STRIP1: variants seen among roughly 807,000 people sequenced by gnomAD.
STRIP1 encodes the protein striatin interacting protein 1, also known as striatin-interacting protein 1.
STRIP1 carries 63 observed loss-of-function variants against 106.2 expected under a neutral mutation model. The ratio of observed to expected loss-of-function variants is 0.59; its 90% confidence interval spans 0.48 to 0.73. The LOEUF (loss-of-function observed/expected upper bound fraction) is 0.73. Ranked by LOEUF, STRIP1 falls within the 30% of genes least tolerant of loss-of-function variation. The probability of loss-of-function intolerance (pLI) is 0.00; values close to 1 mark genes in which losing one functional copy is unlikely to be tolerated. For missense variants in STRIP1, 857 were observed against 1,074.8 expected (o/e 0.80, Z 2.83); for synonymous variants, 390 against 413.0 (o/e 0.94, Z 0.67).
chr1:110,033,184 C>A (rs916805344), upstream of STRIP1, among the ~76,000 whole-genome samples: 1 of 152,188 alleles, frequency 6.6e-6, no homozygotes, highest in African/African-American at 2.4e-5. Context: ...CTTCCTTGGG[C>A]AGCATGCTTA....
upstream of STRIP1, among the ~76,000 whole-genome samples, chr1:110,032,381 G>A (rs1652235579): frequency 6.6e-6 from 1 of 152,198 alleles, no homozygotes; most frequent in South Asian, 2.1e-4. Flanking sequence ...CTGGAGAGTT[G>A]TATCACAGGG....
In STRIP1 at chr1:110,051,035, C is replaced by T. The variant is rs1352169781; in HGVS notation, c.2036C>T (p.Thr679Ile). 1.9e-6 allele frequency: 3 copies of T among 1,612,546 alleles called. No homozygotes were observed. Among genetic ancestry groups the T allele is most frequent in the Non-Finnish European group, 2.5e-6 (3 of 1,178,668 alleles). Reference sequence around the variant, plus strand: ...CTGCTTCGGATCTTGAACAAGCTGACAAAGTGGAAGCATTCAAGGACAATG... The same window carrying T: ...CTGCTTCGGATCTTGAACAAGCTGATAAAGTGGAAGCATTCAAGGACAATG... ...INLLRILNKL[T>I]KWKHSRTMML... Residue 679 changes from threonine (T) to isoleucine (I), a missense_variant, in exon 19 of 21, where the codon ACA becomes ATA. Thr to Ile is a moderately conservative substitution (Grantham distance 89). Transcript: ENST00000369795.
intron 5 of STRIP1, 127 bp from the exon 6 acceptor site, chr1:110,040,508 C>T: frequency 1.2e-6 from 1 of 828,890 alleles, no homozygotes; most frequent in Non-Finnish European, 1.9e-6. Context: ...ACCACCGTGT[C>T]CTGTGGCCTC....
chr1:110,048,541 C>T (rs2101782031), intron 15 of STRIP1, among the ~76,000 whole-genome samples: 2 of 152,228 alleles, frequency 1.3e-5, no homozygotes, highest in East Asian at 1.9e-4. Flanking sequence ...TTGGCTAACA[C>T]CAGAGGGAGG....
chr1:110,032,061 C>T (rs1200650075), upstream of STRIP1, among the ~76,000 whole-genome samples: 3 of 152,142 alleles, frequency 2.0e-5, no homozygotes, highest in East Asian at 5.8e-4. Context: ...TTCTTATTGG[C>T]TATTTTTCAA....
chr1:110,034,482 G>A (rs1286870964), upstream of STRIP1: 16 of 787,552 alleles, frequency 2.0e-5, no homozygotes, highest in African/African-American at 1.1e-4. Context: ...AAGGACTGCA[G>A]ACAGAATATC....
chr1:110,038,776 C>T lies in STRIP1; in HGVS notation c.325+19C>T, dbSNP rs762027995. On this transcript the variant is annotated intron_variant, in intron 3 of 20. Coordinates refer to ENST00000369795, the MANE Select transcript of STRIP1 (RefSeq NM_033088.4). ...ATCCATGGTGAGATGATTTCCCACA[C>T]TTCTTGCTTCCTTTGCCCTGCATAA... is the stretch of plus-strand genomic sequence containing the variant. 1.1e-5 allele frequency: 18 copies of T among 1,608,990 alleles called. No homozygotes were observed. The South Asian group carries it at 1.9e-4, about 17-fold the overall frequency.
At chr1:110,035,132 C>T (rs1051363320) in intron 1 of STRIP1, among the ~76,000 whole-genome samples, 1 of 152,124 alleles carries the variant, frequency 6.6e-6, no homozygotes, top group Non-Finnish European at 1.5e-5. Flanking sequence ...CGCCCCAGCT[C>T]GGGGGTGAGG....
Position 110,050,079 on chromosome 1 carries a change from G to A in STRIP1, c.1890-264G>A, listed in dbSNP as rs1466228998. On this transcript the variant is annotated intron_variant, in intron 17 of 20. Transcript: ENST00000369795. ...TCTCCTCCCCCGCCCCACATTGATT[G>A]CTGTGGGGGAAGCTGTGAGGGTCTC... The A allele has an allele frequency of 1.0e-5, 5 of 486,292 alleles. No individual in the cohort carries two copies. In the East Asian group the frequency reaches 1.9e-4, roughly 19 times the overall value. 30.1% of individuals were successfully genotyped at this position (486,292 alleles called of 1,614,324 possible).
At position 110,047,613 on chromosome 1, in the gene STRIP1, T is replaced by C. The variant is rs766361188; in HGVS notation, c.1560T>C (p.Tyr520=). The change falls in exon 14 of 21, where the codon TAT becomes TAC. Residue 520 remains tyrosine, a synonymous_variant. Transcript: ENST00000369795. ...GCTTGCTCCCCAGCCTGCCTCAGTATATGGTGAGTGGTGCCTGCAGTGGGA... is the reference window on the plus strand; with the variant it reads ...GCTTGCTCCCCAGCCTGCCTCAGTACATGGTGAGTGGTGCCTGCAGTGGGA... ...YQGLLPSLPQ[Y]MIALLKILLA... 1 of 1,608,856 alleles carries C rather than the reference T, an allele frequency of 6.2e-7. No individual in the cohort carries two copies. Among genetic ancestry groups the C allele is most frequent in the Non-Finnish European group, 8.5e-7 (1 of 1,177,396 alleles).
intron 17 of STRIP1, chr1:110,049,834 A>AAT: frequency 2.9e-6 from 1 of 339,028 alleles, no homozygotes; most frequent in Non-Finnish European, 5.3e-6. Context: ...TCCCTTCTGT[A>AAT]CTTTTTTTTT....
intron 17 of STRIP1, 125 bp from the exon 18 acceptor site, chr1:110,050,218 G>A: frequency 1.2e-6 from 1 of 848,622 alleles, no homozygotes; most frequent in Non-Finnish European, 1.9e-6. Context: ...GGACACATCA[G>A]GTAGATTCCT....
chr1:110,049,444 T>C lies in STRIP1; in HGVS notation c.1789-16T>C. Reference sequence around the variant, plus strand: ...GCCGCGCCTTTTTTTTTTTTTTTTTTTCCTGTTGGCTTCAGTTTGAATACA... The same window carrying C: ...GCCGCGCCTTTTTTTTTTTTTTTTTCTCCTGTTGGCTTCAGTTTGAATACA... On this transcript the variant is annotated splice_polypyrimidine_tract_variant and intron_variant, in intron 16 of 20. Coordinates refer to ENST00000369795, the MANE Select transcript of STRIP1 (RefSeq NM_033088.4). 2 of 1,563,186 alleles carry C rather than the reference T, an allele frequency of 1.3e-6. No homozygotes were observed. The highest frequency in any genetic ancestry group is 8.7e-7 in the Non-Finnish European group (1 of 1,154,300).
chr1:110,046,249 CAGCACTTTG>C (rs1455743644), intron 12 of STRIP1, among the ~76,000 whole-genome samples: 2 of 152,282 alleles, frequency 1.3e-5, no homozygotes, highest in African/African-American at 4.8e-5. Context: ...CCTATAATCC[CAGCACTTTG>C]AGAGGCCAAG....
chr1:110,050,864 C>T (rs1570929161), intron 18 of STRIP1, 92 bp from the exon 19 acceptor site: 7 of 756,654 alleles, frequency 9.3e-6, no homozygotes, highest in Middle Eastern at 2.4e-4. Context: ...CCTGGAGACC[C>T]GGCTGTCCTG....
chr1:110,040,275 G>A (rs760940468), intron 5 of STRIP1, among the ~76,000 whole-genome samples: 14 of 152,036 alleles, frequency 9.2e-5, no homozygotes, highest in East Asian at 1.9e-4. Flanking sequence ...TCCACCTCCC[G>A]GCTTCAAGCT....
rs372334086 is a variant in STRIP1, at chr1:110,039,260, G to C, written c.414G>C (p.Arg138Ser). 49 of 1,614,070 alleles carry C rather than the reference G, an allele frequency of 3.0e-5. No homozygotes were observed. Among genetic ancestry groups the C allele is most frequent in the Non-Finnish European group, 4.0e-5 (47 of 1,180,030 alleles). Residue 138 changes from arginine to serine, a missense_variant, in exon 4 of 21, where the codon AGG (arginine) becomes AGC (serine). Coordinates refer to ENST00000369795, the MANE Select transcript of STRIP1 (RefSeq NM_033088.4). ...RLLDGLEVTAREKRLKVARAI... is the reference protein window; with the variant it reads ...RLLDGLEVTASEKRLKVARAI... Reference sequence around the variant, plus strand: ...TGGATGGCTTGGAAGTCACTGCCAGGGAGAAGAGACTCAAGGTGGCTCGAG... The same window carrying C: ...TGGATGGCTTGGAAGTCACTGCCAGCGAGAAGAGACTCAAGGTGGCTCGAG...
At chr1:110,040,164 T>C (rs1346561255) in intron 5 of STRIP1, among the ~76,000 whole-genome samples, 2 of 151,942 alleles carry the variant, frequency 1.3e-5, no homozygotes, top group African/African-American at 2.4e-5. Context: ...TTTTTGTTTT[T>C]GTTTTTGTGT....
chr1:110,040,004 G>T (rs1570916194), intron 5 of STRIP1: 1 of 786,048 alleles, frequency 1.3e-6, no homozygotes, highest in Non-Finnish European at 1.9e-6. Context: ...TTGAGTGCCT[G>T]TGTGTCCCGG....
Sources: allele counts gnomAD v4.1 joint callset (sites outside exome capture counted in the v4.1 genomes callset), GRCh38; gene constraint gnomAD v4.1.1; transcripts MANE v1.5; gene names NCBI Gene and HGNC (gene_info 2026-07-23, HGNC 2026-07-21).